GREB1: variants seen among roughly 807,000 people sequenced by gnomAD.
GREB1 encodes protein GREB1.
In GREB1, 106 loss-of-function variants were observed where a neutral mutation model predicts 200.7. The ratio of observed to expected loss-of-function variants is 0.53; its 90% CI spans 0.45 to 0.62. The LOEUF (loss-of-function observed/expected upper bound fraction) is 0.62. Among genes scored for constraint, GREB1 ranks in the 20% least tolerant of loss-of-function variants. The pLI, the probability that GREB1 is intolerant of heterozygous loss-of-function variation, is 0.00. For missense variants in GREB1, 2,243 were observed against 2,556.8 expected, an observed-to-expected ratio of 0.88 and a Z score of 2.65; for synonymous variants, 1,132 against 1,092.4, an observed-to-expected ratio of 1.04 and a Z score of -0.72.
In GREB1 at chr2:11,511,070, C is replaced by T. The variant is rs995985168; in HGVS notation, c.-159+28689C>T. ...GCTCAAATTGCCCAGCTTTGGCCAG[C>T]GCAAACTCTTCACATTGGCTTCTGC... On this transcript the variant is annotated intron_variant, in intron 1 of 2. Transcript: ENST00000628795. 4.6e-5 allele frequency among the ~76,000 whole-genome samples: 7 copies of T among 152,150 alleles called. 1 individual carries two copies. The highest frequency in any genetic ancestry group is 4.1e-4 in the South Asian group (2 of 4,822).
At chr2:11,572,988 G>A (rs921292664) in intron 4 of GREB1, among the ~76,000 whole-genome samples, 1 of 152,198 alleles carries the variant, frequency 6.6e-6, no homozygotes, top group African/African-American at 2.4e-5. Context: ...GCTTGGCACA[G>A]TGCCTGGCCC....
In GREB1 at chr2:11,493,180, T is replaced by G. The variant is rs1672807637; in HGVS notation, c.-159+10799T>G. 6.6e-6 allele frequency among the ~76,000 whole-genome samples: 1 copy of G among 152,182 alleles called. No homozygotes were observed. Among genetic ancestry groups the G allele is most frequent in the Non-Finnish European group, 1.5e-5 (1 of 68,012 alleles). ...CCATAGGCTTGTGGAAACTGCGACATGAAGGGAAATGAGGTATGTACTGTA... is the reference window on the plus strand; with the variant it reads ...CCATAGGCTTGTGGAAACTGCGACAGGAAGGGAAATGAGGTATGTACTGTA... On this transcript the variant is annotated intron_variant, in intron 1 of 2. Coordinates refer to the GREB1 transcript ENST00000628795. This position sits in a 1 kb window ranked among gnomAD's most constrained non-coding sequence, Gnocchi z 4.6.
chr2:11,494,996 GT>G (rs1223394151), intron 1 of GREB1, among the ~76,000 whole-genome samples: 5 of 152,168 alleles, frequency 3.3e-5, no homozygotes, highest in Non-Finnish European at 7.4e-5. Context: ...CTCCTGCTCT[GT>G]TCCCATGGTG....
At chr2:11,507,548 AC>A (rs1161426495) in intron 1 of GREB1, among the ~76,000 whole-genome samples, 1 of 152,232 alleles carries the variant, frequency 6.6e-6, no homozygotes, top group Non-Finnish European at 1.5e-5. Flanking sequence ...CCAAGAGTGA[AC>A]ATGCAAACTG....
rs1407191769 is a variant in GREB1 at position 11,638,068 on chromosome 2, C to T, written c.5547+152C>T. 3 of 683,612 alleles carry T rather than the reference C, an allele frequency of 4.4e-6. No individual in the cohort carries two copies. In the African/African-American group the frequency reaches 5.4e-5, roughly 12 times the overall value. The allele number at this position is 683,612 out of a possible 1,614,324, so 42.3% of individuals were successfully genotyped here. A position where few individuals can be genotyped will look rare whatever the true frequency, so the allele number is the denominator to read the frequency against. On this transcript the variant is annotated intron_variant, in intron 31 of 32. Coordinates refer to ENST00000381486, the MANE Select transcript of GREB1 (RefSeq NM_014668.4). ...AGGTTTTGCCATTCAGCTGAGAGAA[C>T]TGAGATGCTTTGCCTGGAAGTAAGA...
chr2:11,501,071 T>G (rs1402273095), intron 1 of GREB1, among the ~76,000 whole-genome samples: 2 of 152,222 alleles, frequency 1.3e-5, no homozygotes, highest in Non-Finnish European at 2.9e-5. Flanking sequence ...TTTCCTCCAC[T>G]GCCCAGTCCC....
At chr2:11,622,881 A>G (rs1408059866) in intron 23 of GREB1, among the ~76,000 whole-genome samples, 3 of 152,228 alleles carry the variant, frequency 2.0e-5, no homozygotes, top group Non-Finnish European at 4.4e-5. Context: ...AGCCATTCTC[A>G]CAGCAAACAG....
intron 2 of GREB1, among the ~76,000 whole-genome samples, chr2:11,558,252 G>A (rs1256706091): frequency 1.3e-5 from 2 of 152,206 alleles, no homozygotes; most frequent in Non-Finnish European, 2.9e-5. Flanking sequence ...CCCACAGCGG[G>A]AGAGAGGAGT....
rs184537583 is a variant in GREB1, at chr2:11,547,647, A to G, written c.-161-8807A>G. Among the ~76,000 whole-genome samples, 865 of 152,354 alleles carry G rather than the reference A, an allele frequency of 5.7e-3. 13 individuals carry two copies. The highest frequency in any genetic ancestry group is 0.017 in the Middle Eastern group (5 of 294). Reference sequence around the variant, plus strand: ...TAAATTATAAGCTTTAAAATGAAAAATGAAAATGAAAAACCTATTTCTATC... The same window carrying G: ...TAAATTATAAGCTTTAAAATGAAAAGTGAAAATGAAAAACCTATTTCTATC... On this transcript the variant is annotated intron_variant, in intron 1 of 32. Transcript: ENST00000381486.
chr2:11,539,432 C>T (rs905535315), intron 1 of GREB1, among the ~76,000 whole-genome samples: 2 of 152,156 alleles, frequency 1.3e-5, no homozygotes, highest in Non-Finnish European at 2.9e-5. Context: ...GTATTCACAG[C>T]AGAGTTGTTT....
chr2:11,510,808 G>T (rs992328545), intron 1 of GREB1, among the ~76,000 whole-genome samples: 4 of 151,622 alleles, frequency 2.6e-5, no homozygotes. Context: ...GAGTAGCTGG[G>T]ATCACAGGTG....
intron 1 of GREB1, among the ~76,000 whole-genome samples, chr2:11,514,928 C>T (rs1052958538): frequency 6.6e-6 from 1 of 152,202 alleles, no homozygotes; most frequent in African/African-American, 2.4e-5. Flanking sequence ...TCCGTCCACA[C>T]ATGTATCCAT....
chr2:11,634,764 G>A (rs943943790), intron 29 of GREB1, among the ~76,000 whole-genome samples: 6 of 152,130 alleles, frequency 3.9e-5, no homozygotes, highest in Non-Finnish European at 7.4e-5. Flanking sequence ...CACGGCCTGC[G>A]TGAGCCTCTC....
intron 2 of GREB1, among the ~76,000 whole-genome samples, chr2:11,559,877 G>A (rs1676817819): frequency 6.6e-6 from 1 of 152,122 alleles, no homozygotes; most frequent in Admixed American, 6.5e-5. Flanking sequence ...ACCACTCTGT[G>A]TCCTCTAAGC....
chr2:11,501,530 A>G (rs2148426964), intron 1 of GREB1, among the ~76,000 whole-genome samples: 1 of 152,130 alleles, frequency 6.6e-6, no homozygotes, highest in South Asian at 2.1e-4. Flanking sequence ...AATAGCTGGG[A>G]CTACAGGCAC....
intron 1 of GREB1, among the ~76,000 whole-genome samples, chr2:11,504,621 G>T (rs775006364): frequency 6.6e-6 from 1 of 152,316 alleles, no homozygotes; most frequent in South Asian, 2.1e-4. Context: ...GCATATTTGT[G>T]TGTGGGTTCT....
At chr2:11,544,055 G>A (rs1294675023) in intron 1 of GREB1, among the ~76,000 whole-genome samples, 2 of 152,142 alleles carry the variant, frequency 1.3e-5, no homozygotes, top group African/African-American at 2.4e-5. Flanking sequence ...GGGACTCAGC[G>A]CTGTTGTTGA....
At chr2:11,628,706 G>A (rs1684647957) in intron 25 of GREB1, among the ~76,000 whole-genome samples, 1 of 152,142 alleles carries the variant, frequency 6.6e-6, no homozygotes, top group African/African-American at 2.4e-5. Context: ...GGGACTGAAG[G>A]GTGTCAGTCC....
chr2:11,635,450 G>T (rs763057830), intron 30 of GREB1, 45 bp downstream of exon 30: 30 of 1,564,396 alleles, frequency 1.9e-5, no homozygotes, highest in Non-Finnish European at 2.3e-5. Context: ...CACCGCCTGG[G>T]CCGCCCTGGC....
Sources: gnomAD v4.1 joint callset for allele counts (sites outside exome capture counted in the v4.1 genomes callset) on GRCh38, gnomAD v4.1.1 for gene constraint, Gnocchi (gnomAD v3.1) non-coding constraint, MANE v1.5 for transcripts, NCBI Gene and HGNC (gene_info 2026-07-23, HGNC 2026-07-21) for gene names.